The following PCDHGB1 variants were observed in gnomAD, a reference collection of about 807,000 sequenced individuals.
PCDHGB1 encodes protocadherin gamma subfamily B, 1, also known as protocadherin gamma-B1.
PCDHGB1 carries 34 observed loss-of-function variants against 56.6 expected under a neutral mutation model. The ratio of observed to expected loss-of-function variants is 0.60; its 90% CI spans 0.46 to 0.80. The LOEUF is 0.80. Among genes scored for constraint, PCDHGB1 ranks in the 30% least tolerant of loss-of-function variants. The probability of loss-of-function intolerance (pLI) is 0.00; values close to 1 mark genes in which losing one functional copy is unlikely to be tolerated. For synonymous variants in PCDHGB1, 561 were observed against 505.9 expected, an observed-to-expected ratio of 1.11 and a Z score of -1.46; for missense variants, 1,278 against 1,204.6, an observed-to-expected ratio of 1.06 and a Z score of -0.90.
intron 1 of PCDHGB1, chr5:141,426,568 C>T: frequency 5.6e-6 from 2 of 354,402 alleles, no homozygotes; most frequent in Non-Finnish European, 5.6e-6. Flanking sequence ...TCGAGAGTCA[C>T]TGTCTTCAAA....
Position 141,424,165 on chromosome 5 carries a change from A to G in PCDHGB1, c.2410-70642A>G, listed in dbSNP as rs1328883463. 2.8e-5 allele frequency: 7 copies of G among 251,918 alleles called. No individual in the cohort carries two copies. The South Asian group carries it at 4.6e-4, about 17-fold the overall frequency. The allele number at this position is 251,918 out of a possible 1,614,324, so 15.6% of individuals were successfully genotyped here. On this transcript the variant is annotated intron_variant, in intron 1 of 3. Transcript: ENST00000523390. Reference sequence around the variant, plus strand: ...CTCCCTCTAGCTCTCCTTCTCATCTATCTATCTATACACATGCACACACAC... The same window carrying G: ...CTCCCTCTAGCTCTCCTTCTCATCTGTCTATCTATACACATGCACACACAC...
chr5:141,494,316 G>T (rs2099753509), intron 1 of PCDHGB1, among the ~76,000 whole-genome samples: 1 of 152,172 alleles, frequency 6.6e-6, no homozygotes, highest in Admixed American at 6.5e-5. Flanking sequence ...TGCACAACCT[G>T]GCACCAAAAG....
In PCDHGB1 at chr5:141,511,217, C is replaced by A. The variant is rs766814445; in HGVS notation, c.*44C>A. On this transcript the variant is annotated 3_prime_UTR_variant, in exon 4 of 4. Transcript: ENST00000523390. ...AGCCACAGGGCGGCCTCTCCCCAAC[C>A]AGCCCAGCTTCTCCTTACCTGCACC... The A allele has an allele frequency of 2.5e-6, 4 of 1,607,588 alleles. No homozygotes were observed. Among genetic ancestry groups the A allele is most frequent in the Non-Finnish European group, 3.4e-6 (4 of 1,177,026 alleles).
intron 1 of PCDHGB1, chr5:141,409,926 T>G: frequency 6.2e-7 from 1 of 1,613,344 alleles, no homozygotes; most frequent in Non-Finnish European, 8.5e-7. Flanking sequence ...TCCGCGTTCT[T>G]CGATATGGTA....
intron 2 of PCDHGB1, among the ~76,000 whole-genome samples, chr5:141,499,149 A>G (rs1215155217): frequency 6.6e-6 from 1 of 152,084 alleles, no homozygotes; most frequent in African/African-American, 2.4e-5. Context: ...TCTGATCCCA[A>G]TAGCTGTTGT....
chr5:141,385,041 C>T, intron 1 of PCDHGB1: 1 of 1,614,174 alleles, frequency 6.2e-7, no homozygotes, highest in Non-Finnish European at 8.5e-7. Flanking sequence ...TGCTGGCGCT[C>T]AGGCTGCGGC....
chr5:141,471,843 T>C (rs1471729261), intron 1 of PCDHGB1, among the ~76,000 whole-genome samples: 2 of 152,166 alleles, frequency 1.3e-5, no homozygotes, highest in Admixed American at 6.5e-5. Context: ...TTTAATAAAA[T>C]ATTCAGAAAA....
In PCDHGB1 at chr5:141,356,944, G is replaced by T. The variant is rs368136545; in HGVS notation, c.2409+4275G>T. The stretch of plus-strand genomic sequence containing the variant: ...TGGTGTGGAGCTGGCACCCCGCTCC[G>T]CAGATTCCGGCTACCTGGTGACCAA... On this transcript the variant is annotated intron_variant, in intron 1 of 3. Coordinates refer to ENST00000523390, the MANE Select transcript of PCDHGB1 (RefSeq NM_018922.3). The T allele has an allele frequency of 1.1e-5, 17 of 1,614,090 alleles. No individual in the cohort carries two copies. In the African/African-American group the frequency reaches 2.3e-4, roughly 22 times the overall value.
intron 1 of PCDHGB1, chr5:141,360,071 C>G (rs1437890695): frequency 6.8e-7 from 1 of 1,472,642 alleles, no homozygotes; most frequent in Non-Finnish European, 9.0e-7. Context: ...TGACCTTAGC[C>G]CGGATTCTGC....
chr5:141,405,546 A>G (rs2094684316), intron 1 of PCDHGB1: 1 of 630,658 alleles, frequency 1.6e-6, no homozygotes, highest in Admixed American at 2.9e-5. Context: ...CAGCCTCCCA[A>G]GTAGAGTAGC....
intron 1 of PCDHGB1, chr5:141,392,651 C>A: frequency 1.4e-6 from 1 of 708,948 alleles, no homozygotes; most frequent in Non-Finnish European, 2.2e-6. Context: ...CGAAGACCCG[C>A]AGATGCCACA....
At chr5:141,404,167 G>A (rs2094493296) in intron 1 of PCDHGB1, 1 of 1,612,946 alleles carries the variant, frequency 6.2e-7, no homozygotes, top group South Asian at 1.1e-5. Flanking sequence ...ACAGATTGTT[G>A]ACGGCCCAAA....
At chr5:141,374,357 C>T (rs1490017184) in intron 1 of PCDHGB1, 1 of 1,614,018 alleles carries the variant, frequency 6.2e-7, no homozygotes, top group South Asian at 1.1e-5. Context: ...TAGGATAGAC[C>T]GCGAGGAGCT....
chr5:141,477,630 T>G lies in PCDHGB1; in HGVS notation c.2410-17177T>G. The G allele has an allele frequency of 6.2e-7, 1 of 1,614,228 alleles. No homozygotes were observed. The highest frequency in any genetic ancestry group is 8.5e-7 in the Non-Finnish European group (1 of 1,180,042). ...TTGGAGCAAGGAGCTGAAACCGGGC[T>G]AGTGGGTCGCTATTTCACAATAAAT... On this transcript the variant is annotated intron_variant, in intron 1 of 3. Coordinates refer to ENST00000523390, the MANE Select transcript of PCDHGB1 (RefSeq NM_018922.3). The surrounding 1 kb of genome is among the most constrained non-coding windows in gnomAD (Gnocchi z 4.9).
chr5:141,409,474 C>T, intron 1 of PCDHGB1: 1 of 1,614,002 alleles, frequency 6.2e-7, no homozygotes, highest in Non-Finnish European at 8.5e-7. Flanking sequence ...CCATCGTAGC[C>T]ACTGACAGGG....
chr5:141,376,263 C>T (rs1348716434), intron 1 of PCDHGB1: 1 of 1,614,226 alleles, frequency 6.2e-7, no homozygotes, highest in South Asian at 1.1e-5. Flanking sequence ...CTGCTGCAGG[C>T]TTCGGGAGGT....
intron 1 of PCDHGB1, chr5:141,365,394 C>G (rs1245270195): frequency 6.2e-7 from 1 of 1,613,942 alleles, no homozygotes; most frequent in Admixed American, 1.7e-5. Context: ...CTGACCAGTT[C>G]GATCTCTGAA....
chr5:141,427,751 C>G (rs778043340), intron 1 of PCDHGB1: 6 of 1,306,076 alleles, frequency 4.6e-6, no homozygotes, highest in Non-Finnish European at 6.6e-6. Context: ...CCTACTCCAT[C>G]GTTACCACTG....
chr5:141,419,794 T>C (rs368369787), intron 1 of PCDHGB1: 54 of 1,613,930 alleles, frequency 3.3e-5, no homozygotes, highest in Non-Finnish European at 4.5e-5. Flanking sequence ...TGCTAGTCGC[T>C]GTAAGAGATG....
Sources: gnomAD v4.1 joint callset for allele counts (sites outside exome capture counted in the v4.1 genomes callset) on GRCh38, gnomAD v4.1.1 for gene constraint, Gnocchi (gnomAD v3.1) non-coding constraint, MANE v1.5 for transcripts, NCBI Gene and HGNC (gene_info 2026-07-23, HGNC 2026-07-21) for gene names.